CLCN6: variants seen among roughly 807,000 people sequenced by gnomAD.
The protein encoded by CLCN6 is Cl-/H+ antiporter 6.
Under a neutral mutation model 109.8 loss-of-function variants are expected in CLCN6, and 70 were observed. The ratio of observed to expected loss-of-function variants is 0.64; its 90% CI spans 0.53 to 0.78. The LOEUF (loss-of-function observed/expected upper bound fraction) is 0.78. CLCN6 is among the 30% of genes least tolerant of loss of function. The probability of loss-of-function intolerance (pLI) is 0.00; values close to 1 mark genes in which losing one functional copy is unlikely to be tolerated. For synonymous variants in CLCN6, 444 were observed against 447.8 expected (o/e 0.99, Z 0.11); for missense variants, 984 against 1,142.3 (o/e 0.86, Z 2.00).
rs769888303 is a variant in CLCN6 at position 11,823,826 on chromosome 1, G to C, written c.573G>C (p.Val191=). 1.7e-5 allele frequency: 28 copies of C among 1,614,244 alleles called. No homozygotes were observed. The highest frequency in any genetic ancestry group is 1.8e-5 in the Non-Finnish European group (21 of 1,180,036). Residue 191 remains valine, a synonymous_variant, in exon 7 of 23, where the codon GTG becomes GTC. Coordinates refer to ENST00000346436, the MANE Select transcript of CLCN6 (RefSeq NM_001286.5). ...AGGTCCTTGGAGTGCTGTTCAGTGT[G>C]GCTGGAGGTAAGAAGGGTCCAACTT... ...LCKVLGVLFS[V]AGGLFVEKEG...
At position 11,814,247 on chromosome 1, in the gene CLCN6, CT is replaced by C. The variant is rs1197587407; in HGVS notation, c.148-1581del. Among the ~76,000 whole-genome samples, 1,017 of 131,204 alleles carry C rather than the reference CT, an allele frequency of 7.8e-3. 8 individuals are homozygous for C. Among genetic ancestry groups the C allele is most frequent in the African/African-American group, 0.021 (745 of 35,712 alleles). The allele number at this position is 131,204 out of a possible 152,430, so 86.1% of individuals were successfully genotyped here. A position where few individuals can be genotyped will look rare whatever the true frequency, so the allele number is the denominator to read the frequency against. On this transcript the variant is annotated intron_variant, in intron 2 of 22. Coordinates refer to ENST00000346436, the MANE Select transcript of CLCN6 (RefSeq NM_001286.5). Reference sequence around the variant, plus strand: ...TTTCTTTGTTGCCAAACTGCTGCGTCTTTTTTTTTTTTTTTTTTGAGAGTGT... The same window carrying C: ...TTTCTTTGTTGCCAAACTGCTGCGTCTTTTTTTTTTTTTTTTTGAGAGTGT...
chr1:11,829,629 C>T (rs917825723), intron 13 of CLCN6, among the ~76,000 whole-genome samples: 1 of 143,664 alleles, frequency 7.0e-6, no homozygotes, highest in Non-Finnish European at 1.5e-5. Context: ...AACCTGGGAA[C>T]AACCCTGGCG....
Position 11,829,264 on chromosome 1 carries a change from G to C in CLCN6, c.1190G>C (p.Gly397Ala), listed in dbSNP as rs574128207. The C allele has an allele frequency of 5.6e-6, 9 of 1,614,174 alleles. No individual in the cohort carries two copies. Among genetic ancestry groups the C allele is most frequent in the East Asian group, 2.2e-5 (1 of 44,880 alleles). Residue 397 changes from glycine (G) to alanine (A), a missense_variant, in exon 13 of 23, where the codon GGA becomes GCA. Physicochemically the swap from Gly to Ala is moderately conservative, Grantham distance 60. Coordinates refer to ENST00000346436, the MANE Select transcript of CLCN6 (RefSeq NM_001286.5). ...GTGTTTGTGGCCTCGATGGTGTTAG[G>C]AGAATGCCGACAGATGTCCTCTTCG... ...VVVFVASMVL[G>A]ECRQMSSSSQ...
At chr1:11,811,982 T>A (rs1437051621) in intron 2 of CLCN6, among the ~76,000 whole-genome samples, 2 of 152,142 alleles carry the variant, frequency 1.3e-5, no homozygotes, top group African/African-American at 4.8e-5. Context: ...AACACCGATA[T>A]GTGGAGGTTG....
chr1:11,836,960 T>C, intron 18 of CLCN6, 39 bp from the exon 19 acceptor site: 1 of 1,600,796 alleles, frequency 6.2e-7, no homozygotes, highest in Non-Finnish European at 8.5e-7. Context: ...CTGTGTTCGT[T>C]TGCCCATGCG....
chr1:11,808,192 CATATT>C (rs1312478787), intron 2 of CLCN6, among the ~76,000 whole-genome samples: 1 of 149,386 alleles, frequency 6.7e-6, no homozygotes, highest in Non-Finnish European at 1.5e-5. Context: ...TCTCCTTTCT[CATATT>C]ATTATTTTTT....
chr1:11,818,028 G>A (rs755941176), intron 4 of CLCN6, among the ~76,000 whole-genome samples: 27 of 151,984 alleles, frequency 1.8e-4, no homozygotes, highest in Non-Finnish European at 3.7e-4. Flanking sequence ...TTGAGAGGCC[G>A]AGACAGGAGG....
intron 5 of CLCN6, 90 bp from the exon 6 acceptor site, chr1:11,822,605 G>A: frequency 2.7e-6 from 2 of 750,796 alleles, no homozygotes; most frequent in Admixed American, 4.4e-5. Flanking sequence ...CAGCCAGCAT[G>A]ATCCAAAGGA....
In CLCN6 at chr1:11,838,584, C is replaced by T. The variant is rs199917825; in HGVS notation, c.2453C>T (p.Thr818Ile). ...TCGCCTTTCACCGTCTCGCCCAACA[C>T]CCACGTCTCCCAAGTCTTCAACCTG... ...NPSPFTVSPNTHVSQVFNLFR... is the reference protein window; with the variant it reads ...NPSPFTVSPNIHVSQVFNLFR... Residue 818 changes from threonine (T) to isoleucine (I), a missense_variant, in exon 22 of 23, where the codon ACC becomes ATC. Thr to Ile is a moderately conservative substitution (Grantham distance 89). Transcript: ENST00000346436. The T allele has an allele frequency of 6.8e-6, 11 of 1,613,598 alleles. No homozygotes were observed. In the East Asian group the frequency reaches 2.5e-4, roughly 36 times the overall value.
chr1:11,819,674 C>A, intron 5 of CLCN6, 120 bp downstream of exon 5: 1 of 806,054 alleles, frequency 1.2e-6, no homozygotes, highest in Non-Finnish European at 2.1e-6. Flanking sequence ...AGCTATTCAG[C>A]TTTAATATTT....
At chr1:11,830,783 TACACACACACACACACAC>T (rs71585869) in intron 13 of CLCN6, among the ~76,000 whole-genome samples, 13 of 137,844 alleles carry the variant, frequency 9.4e-5, no homozygotes, top group South Asian at 6.6e-4. Flanking sequence ...ACACTATATA[TACACACACACACACACAC>T]ACACACACAC....
In CLCN6 at chr1:11,837,046, GTCCA is replaced by G; in HGVS notation, c.2030_2033del (p.Ser677Ter). The G allele has an allele frequency of 1.9e-6, 3 of 1,612,990 alleles. No individual in the cohort carries two copies. Among genetic ancestry groups the G allele is most frequent in the Non-Finnish European group, 2.5e-6 (3 of 1,180,036 alleles). On this transcript the variant is annotated frameshift_variant, in exon 19 of 23. Transcript: ENST00000346436. LOFTEE classifies it high-confidence loss of function. ...CTGGCGAGCAGCGCAAACGGAGCCAGTCCATGAAGTCCTACCCATCCAGCGAGCT... is the reference window on the plus strand; with the variant it reads ...CTGGCGAGCAGCGCAAACGGAGCCAGTGAAGTCCTACCCATCCAGCGAGCT...
chr1:11,820,458 A>G (rs1048837034), intron 5 of CLCN6: 1 of 704,560 alleles, frequency 1.4e-6, no homozygotes, highest in Non-Finnish European at 2.6e-6. Context: ...TCCAGAAGGC[A>G]CAGACTATAA....
At chr1:11,830,754 TATATATATATAC>T (rs1251415498) in intron 13 of CLCN6, among the ~76,000 whole-genome samples, 4 of 136,620 alleles carry the variant, frequency 2.9e-5, no homozygotes, top group Non-Finnish European at 6.2e-5. Context: ...TATATATATA[TATATATATATAC>T]ACACACACAC....
In CLCN6 at chr1:11,828,714, C is replaced by A. The variant is rs1009447349; in HGVS notation, c.1121+90C>A. 2.8e-5 allele frequency: 37 copies of A among 1,319,738 alleles called. No homozygotes were observed. In the Admixed American group the frequency reaches 8.2e-4, roughly 29 times the overall value. The allele number at this position is 1,319,738 out of a possible 1,614,324, so 81.8% of individuals were successfully genotyped here. A position where few individuals can be genotyped will look rare whatever the true frequency, so the allele number is the denominator to read the frequency against. On this transcript the variant is annotated intron_variant, in intron 12 of 22. Transcript: ENST00000346436. ...CATCTCTCCCGAGGAGCGGACCCTGCCTCCACGGCTTTGATTTCTCATCTA... is the reference window on the plus strand; with the variant it reads ...CATCTCTCCCGAGGAGCGGACCCTGACTCCACGGCTTTGATTTCTCATCTA...
At chr1:11,822,620 C>A in intron 5 of CLCN6, 75 bp from the exon 6 acceptor site, 1 of 857,132 alleles carries the variant, frequency 1.2e-6, no homozygotes, top group South Asian at 1.4e-5. Flanking sequence ...AAAGGAGAAG[C>A]AGCTGCACCC....
chr1:11,807,327 C>T (rs1644529877), intron 2 of CLCN6, 137 bp downstream of exon 2: 2 of 714,988 alleles, frequency 2.8e-6, no homozygotes, highest in Non-Finnish European at 2.4e-6. Flanking sequence ...GAACTTCCTT[C>T]TAGGAAAGAG....
rs1261502938 is a variant in CLCN6, at chr1:11,840,981, G to A, written c.*758G>A. On this transcript the variant is annotated 3_prime_UTR_variant, in exon 23 of 23. Coordinates refer to ENST00000346436, the MANE Select transcript of CLCN6 (RefSeq NM_001286.5). Reference sequence around the variant, plus strand: ...TCTCTCCATCTGCAGATTATTCCCAGTCTCCCAGTAACACGTTTCTACCCA... The same window carrying A: ...TCTCTCCATCTGCAGATTATTCCCAATCTCCCAGTAACACGTTTCTACCCA... The A allele has an allele frequency of 6.6e-6, 1 of 152,222 alleles. No homozygotes were observed. Among genetic ancestry groups the A allele is most frequent in the Admixed American group, 6.5e-5 (1 of 15,280 alleles). The allele number at this position is 152,222 out of a possible 1,614,324, so 9.4% of individuals were successfully genotyped here. A position where few individuals can be genotyped will look rare whatever the true frequency, so the allele number is the denominator to read the frequency against.
chr1:11,834,647 A>G lies in CLCN6; in HGVS notation c.1793+57A>G, dbSNP rs1644922715. ...TCAGAATGTATAAGCTCTGAGGCCT[A>G]AGGAATGTTGTTATTAGGGTAGGAA... On this transcript the variant is annotated intron_variant, in intron 17 of 22. Transcript: ENST00000346436. The surrounding 1 kb of genome is among the most constrained non-coding windows in gnomAD (Gnocchi z 4.5). 2.1e-6 allele frequency: 3 copies of G among 1,417,448 alleles called. No homozygotes were observed. Among genetic ancestry groups the G allele is most frequent in the South Asian group, 2.3e-5 (2 of 85,406 alleles). The allele number at this position is 1,417,448 out of a possible 1,614,324, so 87.8% of individuals were successfully genotyped here.
Sources: gnomAD v4.1 joint callset for allele counts (sites outside exome capture counted in the v4.1 genomes callset) on GRCh38, gnomAD v4.1.1 for gene constraint, Gnocchi (gnomAD v3.1) non-coding constraint, MANE v1.5 for transcripts, NCBI Gene and HGNC (gene_info 2026-07-23, HGNC 2026-07-21) for gene names.